TNFRSF11B: variants seen among roughly 807,000 people sequenced by gnomAD.
The protein encoded by TNFRSF11B is TNF receptor superfamily member 11b.
Under a neutral mutation model 43.4 loss-of-function variants are expected in TNFRSF11B, and 16 were observed. The observed-to-expected ratio is 0.37, with a 90% CI of 0.25 to 0.56. TNFRSF11B has a LOEUF of 0.56. Among genes scored for constraint, TNFRSF11B ranks in the 20% least tolerant of loss-of-function variants. The pLI is 0.80. For synonymous variants in TNFRSF11B, 185 were observed against 181.8 expected (o/e 1.02, Z -0.14); for missense variants, 444 against 490.1 (o/e 0.91, Z 0.89).
intron 1 of TNFRSF11B, among the ~76,000 whole-genome samples, chr8:118,948,787 A>C (rs1812601567): frequency 1.0e-5 from 1 of 98,596 alleles, no homozygotes; most frequent in Non-Finnish European, 1.9e-5. Context: ...AAACAAACAA[A>C]CAAACAAAAA....
chr8:118,938,057 T>C (rs962164816), intron 1 of TNFRSF11B, among the ~76,000 whole-genome samples: 1 of 152,116 alleles, frequency 6.6e-6, no homozygotes. Flanking sequence ...TTCTAATAAT[T>C]CCCCATATTT....
intron 1 of TNFRSF11B, among the ~76,000 whole-genome samples, chr8:118,940,044 G>T (rs2129910633): frequency 6.6e-6 from 1 of 152,246 alleles, no homozygotes; most frequent in South Asian, 2.1e-4. Flanking sequence ...CATGGATGAA[G>T]CTGGAAACCA....
chr8:118,940,462 C>T (rs1812471478), intron 1 of TNFRSF11B, among the ~76,000 whole-genome samples: 2 of 152,312 alleles, frequency 1.3e-5, no homozygotes, highest in Non-Finnish European at 2.9e-5. Flanking sequence ...CCAAATTGAG[C>T]TCCACCACTA....
chr8:118,951,717 G>A (rs1812649210), intron 1 of TNFRSF11B, 75 bp downstream of exon 1: 6 of 1,422,996 alleles, frequency 4.2e-6, no homozygotes, highest in Admixed American at 3.9e-5. Context: ...CCGCCGGTCC[G>A]CTGGGAGGTT....
chr8:118,924,349 G>GA lies in TNFRSF11B; in HGVS notation c.*24dup. 6.2e-7 allele frequency: 1 copy of GA among 1,613,446 alleles called. No individual in the cohort carries two copies. The highest frequency in any genetic ancestry group is 8.5e-7 in the Non-Finnish European group (1 of 1,179,836). ...TCCATGGGATCTCGCCAATTGTGAG[G>GA]AAACAGCTCAATGGCCATTTCCAGT... is the stretch of plus-strand genomic sequence containing the variant. On this transcript the variant is annotated 3_prime_UTR_variant, in exon 5 of 5. Transcript: ENST00000297350.
chr8:118,926,370 C>T, intron 4 of TNFRSF11B, 124 bp downstream of exon 4: 1 of 951,464 alleles, frequency 1.1e-6, no homozygotes, highest in South Asian at 1.5e-5. Context: ...TTTTTCAGTC[C>T]AACAATGATT....
At chr8:118,944,662 G>C (rs1052779707) in intron 1 of TNFRSF11B, among the ~76,000 whole-genome samples, 3 of 152,026 alleles carry the variant, frequency 2.0e-5, no homozygotes, top group African/African-American at 4.8e-5. Flanking sequence ...ACAGGAAACA[G>C]AGCGTGGGTG....
intron 4 of TNFRSF11B, 27 bp from the exon 5 acceptor site, chr8:118,924,789 T>A (rs1308229394): frequency 3.1e-6 from 5 of 1,613,734 alleles, no homozygotes; most frequent in Non-Finnish European, 4.2e-6. Context: ...CCCAGATAAG[T>A]GTTCACATCA....
At chr8:118,938,287 G>A (rs1376894373) in intron 1 of TNFRSF11B, among the ~76,000 whole-genome samples, 2 of 151,974 alleles carry the variant, frequency 1.3e-5, no homozygotes, top group Non-Finnish European at 2.9e-5. Flanking sequence ...GACCTGTTTT[G>A]TCTATTTCAT....
At chr8:118,941,976 G>C (rs1399973435) in intron 1 of TNFRSF11B, among the ~76,000 whole-genome samples, 1 of 152,128 alleles carries the variant, frequency 6.6e-6, no homozygotes, top group African/African-American at 2.4e-5. Flanking sequence ...ACAAGCACAA[G>C]GGTAGCACCG....
At position 118,924,693 on chromosome 8, in the gene TNFRSF11B, C is replaced by A; in HGVS notation, c.887G>T (p.Arg296Leu). The change falls in exon 5 of 5, where the codon CGT (arginine) becomes CTT (leucine). Residue 296 changes from arginine (R) to leucine (L), a missense_variant. Transcript: ENST00000297350. ...TCCCGGTAAGCTTTCCATCAAGCTA[C>A]GAAGCTGCTCGAAGGTGAGGTTAGC... ...GHANLTFEQL[R>L]SLMESLPGKK... is the part of the protein sequence containing the mutation. 1 of 1,614,158 alleles carries A rather than the reference C, an allele frequency of 6.2e-7. No individual in the cohort carries two copies. The highest frequency in any genetic ancestry group is 8.5e-7 in the Non-Finnish European group (1 of 1,180,036).
intron 1 of TNFRSF11B, among the ~76,000 whole-genome samples, chr8:118,948,940 C>T (rs1244388599): frequency 1.3e-5 from 2 of 152,136 alleles, no homozygotes; most frequent in African/African-American, 4.8e-5. Flanking sequence ...TCCCTGCCCA[C>T]TTCTCCACCC....
intron 1 of TNFRSF11B, among the ~76,000 whole-genome samples, chr8:118,945,773 C>T (rs1812554050): frequency 6.6e-6 from 1 of 151,940 alleles, no homozygotes. Context: ...GGATCAAAGA[C>T]CAGAGAAGAA....
intron 2 of TNFRSF11B, among the ~76,000 whole-genome samples, chr8:118,931,805 T>A (rs897979496): frequency 1.3e-5 from 2 of 152,246 alleles, no homozygotes; most frequent in African/African-American, 4.8e-5. Flanking sequence ...AGACTTTGTA[T>A]ATCACAAGTT....
In TNFRSF11B at chr8:118,924,190, T is replaced by C; in HGVS notation, c.*184A>G. 2 of 622,574 alleles carry C rather than the reference T, an allele frequency of 3.2e-6. No individual in the cohort carries two copies. The highest frequency in any genetic ancestry group is 2.7e-5 in the Admixed American group (1 of 37,282). 38.6% of individuals were successfully genotyped at this position (622,574 alleles called of 1,614,324 possible). ...CAGATCTGACAGTTGGATTAACCAT[T>C]TGGGGTTTATTGGAGGAGATGTTAG... On this transcript the variant is annotated 3_prime_UTR_variant, in exon 5 of 5. Transcript: ENST00000297350.
chr8:118,950,136 T>C (rs564003037), intron 1 of TNFRSF11B, among the ~76,000 whole-genome samples: 62 of 152,328 alleles, frequency 4.1e-4, no homozygotes, highest in African/African-American at 1.5e-3. Context: ...TAGAAACATA[T>C]ATTATTTAGT....
At position 118,951,823 on chromosome 8, in the gene TNFRSF11B, G is replaced by T; in HGVS notation, c.-2C>A. On this transcript the variant is annotated 5_prime_UTR_variant, in exon 1 of 5. Transcript: ENST00000297350. ...CGCGCAGCACAGCAAGTTGTTCATT[G>T]TGGTCCCCGGAAACCTCAGGGGCTT... is the stretch of plus-strand genomic sequence containing the variant. 6.3e-7 allele frequency: 1 copy of T among 1,589,872 alleles called. No individual in the cohort carries two copies. Among genetic ancestry groups the T allele is most frequent in the South Asian group, 1.1e-5 (1 of 87,024 alleles).
intron 1 of TNFRSF11B, among the ~76,000 whole-genome samples, 197 bp downstream of exon 1, chr8:118,951,595 C>T (rs920059776): frequency 7.2e-5 from 11 of 152,198 alleles, no homozygotes; most frequent in African/African-American, 2.4e-4. Context: ...TCAGCAGGAA[C>T]TTTGCAGCGT....
chr8:118,937,399 A>G (rs939909708), intron 1 of TNFRSF11B, among the ~76,000 whole-genome samples: 1 of 152,064 alleles, frequency 6.6e-6, no homozygotes, highest in African/African-American at 2.4e-5. Flanking sequence ...CTTCAGATTC[A>G]CCCATGCCTT....
Sources: allele counts gnomAD v4.1 joint callset (sites outside exome capture counted in the v4.1 genomes callset), GRCh38; gene constraint gnomAD v4.1.1; transcripts MANE v1.5; gene names NCBI Gene and HGNC (gene_info 2026-07-23, HGNC 2026-07-21).